The following GMDS variants were observed in gnomAD, a reference collection of about 807,000 sequenced individuals.
The protein encoded by GMDS is GDP-mannose 4,6 dehydratase.
In GMDS, 20 loss-of-function variants were observed where a neutral mutation model predicts 49.9. That is an observed-to-expected ratio of 0.40 (90% CI 0.28 to 0.58). The LOEUF (loss-of-function observed/expected upper bound fraction) is 0.58, where lower values mean the gene tolerates loss of function less well. GMDS is among the 20% of genes least tolerant of loss of function. The pLI, the probability that GMDS is intolerant of heterozygous loss-of-function variation, is 0.42. For synonymous variants in GMDS, 177 were observed against 178.6 expected (o/e 0.99, Z 0.07); for missense variants, 362 against 481.4 (o/e 0.75, Z 2.32).
intron 7 of GMDS, among the ~76,000 whole-genome samples, chr6:1,765,579 T>G (rs571341721): frequency 1.3e-5 from 2 of 152,276 alleles, no homozygotes; most frequent in African/African-American, 2.4e-5. Flanking sequence ...TTGTCTAATT[T>G]TACAGATGGA....
chr6:1,728,281 C>G (rs1330546387), intron 8 of GMDS, among the ~76,000 whole-genome samples: 1 of 152,000 alleles, frequency 6.6e-6, no homozygotes, highest in Non-Finnish European at 1.5e-5. Flanking sequence ...TAAGTAGAAC[C>G]TTTTAAAAAA....
intron 4 of GMDS, among the ~76,000 whole-genome samples, chr6:2,079,296 G>A (rs1194070821): frequency 2.0e-5 from 3 of 151,544 alleles, no homozygotes; most frequent in Non-Finnish European, 4.4e-5. Flanking sequence ...AACATGTGAG[G>A]TTTTGTTCCT....
chr6:2,121,323 G>A (rs1353350627), intron 2 of GMDS, among the ~76,000 whole-genome samples: 1 of 152,152 alleles, frequency 6.6e-6, no homozygotes, highest in African/African-American at 2.4e-5. Flanking sequence ...AGAATTCTTA[G>A]GTTTCCTCAT....
intron 9 of GMDS, among the ~76,000 whole-genome samples, chr6:1,691,357 G>C (rs1041410277): frequency 6.6e-6 from 1 of 151,978 alleles, no homozygotes; most frequent in African/African-American, 2.4e-5. Context: ...GGCCTGTTGC[G>C]GGGGGTGTGG....
intron 7 of GMDS, among the ~76,000 whole-genome samples, chr6:1,871,134 G>A (rs758144037): frequency 6.6e-6 from 1 of 151,748 alleles, no homozygotes; most frequent in African/African-American, 2.4e-5. Flanking sequence ...GAGAGTTAAC[G>A]AGTACCAAGG....
At chr6:2,147,063 T>C (rs3800165) in intron 1 of GMDS, among the ~76,000 whole-genome samples, 23,872 of 152,062 alleles carry the variant, frequency 0.16, 4,256 homozygotes, top group African/African-American at 0.43. Flanking sequence ...GGACCAAAGG[T>C]GAAGGAAAAT....
At chr6:1,877,643 T>TC in intron 7 of GMDS, among the ~76,000 whole-genome samples, 1 of 51,816 alleles carries the variant, frequency 1.9e-5, no homozygotes, top group Admixed American at 2.3e-4. Flanking sequence ...ATCTCAAAAA[T>TC]TAAAAAAAAA....
intron 7 of GMDS, among the ~76,000 whole-genome samples, chr6:1,878,125 A>G (rs1344058826): frequency 6.6e-6 from 1 of 152,042 alleles, no homozygotes; most frequent in Non-Finnish European, 1.5e-5. Flanking sequence ...CATCCTGGCT[A>G]ACATGGTGAA....
At chr6:1,821,850 G>A (rs1215255064) in intron 7 of GMDS, among the ~76,000 whole-genome samples, 4 of 152,044 alleles carry the variant, frequency 2.6e-5, no homozygotes, top group African/African-American at 9.7e-5. Flanking sequence ...TCTTGCGGCG[G>A]GGGAGGGGAC....
intron 1 of GMDS, among the ~76,000 whole-genome samples, chr6:2,156,824 C>T (rs1424026432): frequency 1.3e-5 from 2 of 151,904 alleles, no homozygotes; most frequent in African/African-American, 4.8e-5. Flanking sequence ...CATATATAAA[C>T]CCATACTTTC....
intron 1 of GMDS, among the ~76,000 whole-genome samples, chr6:2,144,470 G>A (rs1776454446): frequency 6.6e-6 from 1 of 152,192 alleles, no homozygotes; most frequent in African/African-American, 2.4e-5. Context: ...GGTTAGGAGT[G>A]GCTAAGTTGA....
chr6:1,968,780 A>C (rs1764408042), intron 4 of GMDS, among the ~76,000 whole-genome samples: 1 of 152,168 alleles, frequency 6.6e-6, no homozygotes, highest in African/African-American at 2.4e-5. Flanking sequence ...AAATTCTGAA[A>C]TCTACTGAAC....
chr6:1,882,979 A>C (rs1332425093), intron 7 of GMDS, among the ~76,000 whole-genome samples: 1 of 152,258 alleles, frequency 6.6e-6, no homozygotes, highest in Non-Finnish European at 1.5e-5. Context: ...ATAGGAACTC[A>C]TATCATGGTA....
intron 7 of GMDS, among the ~76,000 whole-genome samples, chr6:1,805,660 A>G (rs1394778799): frequency 6.6e-6 from 1 of 152,202 alleles, no homozygotes; most frequent in East Asian, 1.9e-4. Flanking sequence ...AAATTTTGAA[A>G]CAATGCCACT....
At position 2,207,112 on chromosome 6, in the gene GMDS, A is replaced by G. The variant is rs183992984; in HGVS notation, c.102+38209T>C. 2.4e-4 allele frequency among the ~76,000 whole-genome samples: 37 copies of G among 152,368 alleles called. 1 individual carries two copies. Among genetic ancestry groups the G allele is most frequent in the African/African-American group, 8.9e-4 (37 of 41,594 alleles). ...AATCCAACACACATCATGTAAAAGA[A>G]GTCTGATGGTAGCCAGTCAAGAACT... On this transcript the variant is annotated intron_variant, in intron 1 of 10. Coordinates refer to ENST00000380815, the MANE Select transcript of GMDS (RefSeq NM_001500.4).
chr6:1,813,887 T>G (rs1393586624), intron 7 of GMDS, among the ~76,000 whole-genome samples: 1 of 152,238 alleles, frequency 6.6e-6, no homozygotes, highest in African/African-American at 2.4e-5. Flanking sequence ...CATGCATTGC[T>G]TAACATAAAC....
chr6:2,112,052 C>T (rs1312915261), intron 4 of GMDS, among the ~76,000 whole-genome samples: 3 of 152,312 alleles, frequency 2.0e-5, no homozygotes, highest in African/African-American at 7.2e-5. Flanking sequence ...CCCGCTCTGG[C>T]CATGACGAAG....
At chr6:2,095,390 C>G (rs528319994) in intron 4 of GMDS, among the ~76,000 whole-genome samples, 109 of 152,286 alleles carry the variant, frequency 7.2e-4, no homozygotes, top group Non-Finnish European at 1.3e-3. Flanking sequence ...GTCTACAATT[C>G]TGTATTTTCC....
rs1357705792 is a variant in GMDS at position 1,640,927 on chromosome 6, G to A, written c.988-16387C>T. Among the ~76,000 whole-genome samples the A allele has an allele frequency of 1.3e-5, 2 of 152,226 alleles. No homozygotes were observed. Among genetic ancestry groups the A allele is most frequent in the Admixed American group, 1.3e-4 (2 of 15,282 alleles). ...AGGGAGCAGGCTGGGCTAGGGCCCTGAAGGGCCGGCTGGTTAGAAACCCTG... is the reference window on the plus strand; with the variant it reads ...AGGGAGCAGGCTGGGCTAGGGCCCTAAAGGGCCGGCTGGTTAGAAACCCTG... On this transcript the variant is annotated intron_variant, in intron 9 of 10. Transcript: ENST00000380815. This position sits in a 1 kb window ranked among gnomAD's most constrained non-coding sequence, Gnocchi z 4.0.
Sources: allele counts gnomAD v4.1 joint callset (sites outside exome capture counted in the v4.1 genomes callset), GRCh38; gene constraint gnomAD v4.1.1; non-coding constraint Gnocchi (gnomAD v3.1); transcripts MANE v1.5; gene names NCBI Gene and HGNC (gene_info 2026-07-23, HGNC 2026-07-21).